The following RESF1 variants were observed in gnomAD, a reference collection of about 807,000 sequenced individuals.
The protein encoded by RESF1 is gonad expressed transcript.
In RESF1, 65 loss-of-function variants were observed where a neutral mutation model predicts 134.7. The observed-to-expected ratio is 0.48, with a 90% CI of 0.40 to 0.59. The LOEUF is 0.59. Ranked by LOEUF, RESF1 falls within the 20% of genes least tolerant of loss-of-function variation. The pLI is 0.00. For missense variants in RESF1, 2,274 were observed against 2,002.7 expected, an observed-to-expected ratio of 1.14 and a Z score of -2.59; for synonymous variants, 762 against 702.2, an observed-to-expected ratio of 1.09 and a Z score of -1.35.
chr12:31,985,697 A>G lies in RESF1; in HGVS notation c.4742A>G (p.Tyr1581Cys), dbSNP rs1334794971. ...CAAGTAAAGGATCAAAAGAAATTAT[A>G]TCTGAATAGAGTTGGGTTTAAATGC... ...PPQVKDQKKL[Y>C]LNRVGFKCTE... The change falls in exon 4 of 6, where the codon TAT (tyrosine) becomes TGT (cysteine). Residue 1581 changes from tyrosine to cysteine, a missense_variant. Physicochemically the swap from Tyr to Cys is radical, Grantham distance 194 (BLOSUM62 -2). Coordinates refer to ENST00000312561, the MANE Select transcript of RESF1 (RefSeq NM_018169.4). 6.2e-7 allele frequency: 1 copy of G among 1,611,110 alleles called. No homozygotes were observed. Among genetic ancestry groups the G allele is most frequent in the South Asian group, 1.1e-5 (1 of 90,172 alleles).
intron 3 of RESF1, among the ~76,000 whole-genome samples, chr12:31,976,545 T>C (rs755153246): frequency 2.6e-5 from 4 of 152,032 alleles, no homozygotes; most frequent in Non-Finnish European, 5.9e-5. Flanking sequence ...TAGCCTGGCA[T>C]GGTGGTGGGA....
chr12:31,962,911 A>G (rs761645939), intron 2 of RESF1, among the ~76,000 whole-genome samples: 1 of 151,700 alleles, frequency 6.6e-6, no homozygotes, highest in Non-Finnish European at 1.5e-5. Context: ...CAGCCTGGCC[A>G]ACATGGTGAA....
At chr12:31,988,769 G>A (rs564059862) in intron 5 of RESF1, among the ~76,000 whole-genome samples, 5 of 152,114 alleles carry the variant, frequency 3.3e-5, no homozygotes, top group Non-Finnish European at 7.4e-5. Flanking sequence ...CGGCCTTGCT[G>A]CAACCTCTGC....
Position 31,984,761 on chromosome 12 carries a change from G to A in RESF1, c.3806G>A (p.Arg1269Lys), listed in dbSNP as rs1426144951. The change falls in exon 4 of 6, where the codon AGG becomes AAG. Residue 1269 changes from arginine to lysine, a missense_variant. Arg to Lys is a conservative substitution (Grantham distance 26). Coordinates refer to ENST00000312561, the MANE Select transcript of RESF1 (RefSeq NM_018169.4). ...AAAACAAAACATAAAAGCTTACCAA[G>A]GACAGAACAAGAATTAGTTGCTGGT... ...TPKTKHKSLP[R>K]TEQELVAGQF... 6.2e-7 allele frequency: 1 copy of A among 1,612,218 alleles called. No individual in the cohort carries two copies. The highest frequency in any genetic ancestry group is 2.2e-5 in the East Asian group (1 of 44,852).
At chr12:31,979,547 G>GT (rs1292560344) in intron 3 of RESF1, among the ~76,000 whole-genome samples, 2 of 151,298 alleles carry the variant, frequency 1.3e-5, no homozygotes, top group Non-Finnish European at 3.0e-5. Context: ...CAAGAGTTTT[G>GT]TTTTTTAAAA....
Position 31,988,371 on chromosome 12 carries a change from TAAAAGAC to T in RESF1, c.5086+1052_5086+1058del, listed in dbSNP as rs1195925502. Among the ~76,000 whole-genome samples, 9 of 152,320 alleles carry T rather than the reference TAAAAGAC, an allele frequency of 5.9e-5. No individual in the cohort carries two copies. In the East Asian group the frequency reaches 1.7e-3, roughly 29 times the overall value. ...TAATACAACCATAAAAATAGAAACT[TAAAAGAC>T]AATATAGTATAACAACTGTTTACAT... On this transcript the variant is annotated intron_variant, in intron 5 of 5. Coordinates refer to ENST00000312561, the MANE Select transcript of RESF1 (RefSeq NM_018169.4).
chr12:31,978,570 G>A (rs533894034), intron 3 of RESF1, among the ~76,000 whole-genome samples: 2 of 151,134 alleles, frequency 1.3e-5, no homozygotes, highest in South Asian at 2.1e-4. Flanking sequence ...GTTTTGAGAC[G>A]GGCTCTCGCT....
intron 5 of RESF1, among the ~76,000 whole-genome samples, chr12:31,991,909 A>T (rs1204981175): frequency 6.6e-6 from 1 of 152,222 alleles, no homozygotes; most frequent in African/African-American, 2.4e-5. Context: ...CTAATGTAAC[A>T]CTGAAATGGT....
intron 3 of RESF1, among the ~76,000 whole-genome samples, chr12:31,978,216 T>C (rs1939680827): frequency 1.3e-5 from 2 of 152,220 alleles, no homozygotes; most frequent in South Asian, 4.1e-4. Flanking sequence ...TTTCTAAGTA[T>C]TTTTTTAATG....
intron 2 of RESF1, among the ~76,000 whole-genome samples, chr12:31,967,372 A>G (rs983011135): frequency 6.6e-5 from 10 of 152,366 alleles, no homozygotes; most frequent in Middle Eastern, 3.4e-3. Flanking sequence ...AGCATTCCAC[A>G]TAGTTCTTTA....
In RESF1 at chr12:31,981,293, G is replaced by A. The variant is rs1161283807; in HGVS notation, c.338G>A (p.Gly113Glu). ...ACTCACAATTTGCAGATGTCTTCAGGAGTTACCCAAAACGTATGGTTGAAC... is the reference window on the plus strand; with the variant it reads ...ACTCACAATTTGCAGATGTCTTCAGAAGTTACCCAAAACGTATGGTTGAAC... ...QLTHNLQMSS[G>E]VTQNVWLNSP... Residue 113 changes from glycine to glutamate, a missense_variant, in exon 4 of 6, where the codon GGA (glycine) becomes GAA (glutamate). Physicochemically the swap from Gly to Glu is moderately conservative, Grantham distance 98. Transcript: ENST00000312561. 6.2e-7 allele frequency: 1 copy of A among 1,614,048 alleles called. No homozygotes were observed. Among genetic ancestry groups the A allele is most frequent in the South Asian group, 1.1e-5 (1 of 91,080 alleles).
rs1206466938 is a variant in RESF1, at chr12:31,982,124, A to G, written c.1169A>G (p.Lys390Arg). The G allele has an allele frequency of 1.2e-6, 2 of 1,614,068 alleles. No individual in the cohort carries two copies. Among genetic ancestry groups the G allele is most frequent in the Admixed American group, 3.3e-5 (2 of 59,992 alleles). ...CAAGTACTGGACACAAGTGTTGCAA[A>G]AGAAAAGCTAGTAAGGGATATTAAA... Reference protein sequence around the residue: ...SNQVLDTSVAKEKLVRDIKTL... With the variant: ...SNQVLDTSVAREKLVRDIKTL... The change falls in exon 4 of 6, where the codon AAA (lysine) becomes AGA (arginine). Residue 390 changes from lysine (K) to arginine (R), a missense_variant. By Grantham distance (26) the Lys-to-Arg change is conservative. Transcript: ENST00000312561.
Position 31,983,438 on chromosome 12 carries a change from C to A in RESF1, c.2483C>A (p.Ser828Ter). 1 of 1,613,988 alleles carries A rather than the reference C, an allele frequency of 6.2e-7. No homozygotes were observed. The highest frequency in any genetic ancestry group is 1.3e-5 in the African/African-American group (1 of 75,052). ...GGACCAGTAGCAAGTACAGCAACAT[C>A]AACCAAGATTTTTCCACTAACTCAG... is the stretch of plus-strand genomic sequence containing the variant. ...VSGPVASTATSTKIFPLTQKE... is the reference protein window; with the variant it reads ...VSGPVASTAT The change falls in exon 4 of 6, where the codon TCA (serine) becomes TAA (stop). Residue 828 changes from serine (S) to a stop codon, truncating the protein, a stop_gained. Coordinates refer to ENST00000312561, the MANE Select transcript of RESF1 (RefSeq NM_018169.4). LOFTEE classifies it high-confidence loss of function.
intron 5 of RESF1, among the ~76,000 whole-genome samples, chr12:31,988,313 C>A (rs900190869): frequency 6.6e-6 from 1 of 152,008 alleles, no homozygotes; most frequent in African/African-American, 2.4e-5. Context: ...TGGATTCAAG[C>A]AACTGTGGAT....
At chr12:31,972,147 C>T (rs1413320959) in intron 3 of RESF1, among the ~76,000 whole-genome samples, 1 of 152,130 alleles carries the variant, frequency 6.6e-6, no homozygotes, top group Non-Finnish European at 1.5e-5. Flanking sequence ...TGAACTGAAT[C>T]CTTGGTAATA....
At chr12:31,963,921 A>AT (rs1320929712) in intron 2 of RESF1, among the ~76,000 whole-genome samples, 1 of 152,176 alleles carries the variant, frequency 6.6e-6, no homozygotes, top group Non-Finnish European at 1.5e-5. Context: ...ACTTTTGCTT[A>AT]TTCTTCCATC....
rs769973447 is a variant in RESF1, at chr12:31,983,501, A to G, written c.2546A>G (p.Glu849Gly). ...KQNESTNGNS[E>G]VTPNVNQGKH... ...AATGAGTCAACTAATGGTAATTCAG[A>G]AGTCACACCTAATGTCAATCAAGGA... The change falls in exon 4 of 6, where the codon GAA becomes GGA. Residue 849 changes from glutamate (E) to glycine (G), a missense_variant. Transcript: ENST00000312561. 3.1e-6 allele frequency: 5 copies of G among 1,614,020 alleles called. No homozygotes were observed. The East Asian group carries it at 8.9e-5, about 29-fold the overall frequency.
At chr12:31,990,958 G>T (rs1485347443) in intron 5 of RESF1, among the ~76,000 whole-genome samples, 2 of 152,208 alleles carry the variant, frequency 1.3e-5, no homozygotes, top group African/African-American at 4.8e-5. Flanking sequence ...CACTTGGGAG[G>T]TCAAGGCCGG....
In RESF1 at chr12:31,992,446, G is replaced by T; in HGVS notation, c.5155G>T (p.Val1719Leu). The T allele has an allele frequency of 6.2e-7, 1 of 1,613,868 alleles. No homozygotes were observed. The highest frequency in any genetic ancestry group is 1.1e-5 in the South Asian group (1 of 91,080). ...TGGATTTGAGATGCTACAAAACCCA[G>T]TAAAAGATTCAAAAGAAATGTTTCA... Reference protein sequence around the residue: ...ADGFEMLQNPVKDSKEMFQTY... With the variant: ...ADGFEMLQNPLKDSKEMFQTY... Residue 1719 changes from valine to leucine, a missense_variant, in exon 6 of 6, where the codon GTA becomes TTA. Val to Leu is a conservative substitution (Grantham distance 32). Transcript: ENST00000312561.
Sources: allele counts gnomAD v4.1 joint callset (sites outside exome capture counted in the v4.1 genomes callset), GRCh38; gene constraint gnomAD v4.1.1; transcripts MANE v1.5; gene names NCBI Gene and HGNC (gene_info 2026-07-23, HGNC 2026-07-21).